The following CUX2 variants were observed in gnomAD, a reference collection of about 807,000 sequenced individuals.
CUX2 encodes the protein homeobox protein cut-like 2.
In CUX2, 40 loss-of-function variants were observed where a neutral mutation model predicts 144.8. The ratio of observed to expected loss-of-function variants is 0.28; its 90% CI spans 0.21 to 0.36. The LOEUF (loss-of-function observed/expected upper bound fraction) is 0.36. Ranked by LOEUF, CUX2 falls within the 10% of genes least tolerant of loss-of-function variation. CUX2 has a pLI of 1.00. For synonymous variants in CUX2, 827 were observed against 875.6 expected (o/e 0.94, Z 0.98); for missense variants, 1,615 against 1,994.0 (o/e 0.81, Z 3.62).
At chr12:111,038,158 A>T (rs1039042957) in intron 1 of CUX2, among the ~76,000 whole-genome samples, 1 of 152,216 alleles carries the variant, frequency 6.6e-6, no homozygotes, top group African/African-American at 2.4e-5. Flanking sequence ...AAGAGCAGGG[A>T]TGTGATTAAA....
intron 17 of CUX2, among the ~76,000 whole-genome samples, chr12:111,321,104 G>A (rs1157126801): frequency 1.3e-5 from 2 of 152,140 alleles, no homozygotes; most frequent in Non-Finnish European, 2.9e-5. Context: ...GACGGAGGTG[G>A]GAAGATCTCT....
rs767749808 is a variant in CUX2, at chr12:111,034,274, A to G, written c.63+34A>G. ...GGGCAGCGCCGGCCGCGCGGCCGTG[A>G]GGAGCCCCCGGGCGCGCCCTGGGCG... is the stretch of plus-strand genomic sequence containing the variant. On this transcript the variant is annotated intron_variant, in intron 1 of 21. Transcript: ENST00000261726. The surrounding 1 kb of genome is among the most constrained non-coding windows in gnomAD (Gnocchi z 4.2). 1.6e-6 allele frequency: 2 copies of G among 1,290,182 alleles called. No homozygotes were observed. The highest frequency in any genetic ancestry group is 2.0e-6 in the Non-Finnish European group (2 of 984,854). 79.9% of individuals were successfully genotyped at this position (1,290,182 alleles called of 1,614,324 possible).
intron 1 of CUX2, among the ~76,000 whole-genome samples, chr12:111,161,750 C>T (rs1377363556): frequency 2.0e-5 from 3 of 151,986 alleles, no homozygotes; most frequent in African/African-American, 7.2e-5. Context: ...TTTTTGTTTT[C>T]TTGAGACAGG....
intron 1 of CUX2, among the ~76,000 whole-genome samples, chr12:111,054,139 A>G (rs144671324): frequency 0.04 from 6,019 of 152,206 alleles, 411 homozygotes; most frequent in African/African-American, 0.14. Context: ...GGGTGACAGA[A>G]CAAGACTCCA....
Position 111,322,706 on chromosome 12 carries a change from C to T in CUX2, c.2926+126C>T. On this transcript the variant is annotated intron_variant, in intron 18 of 21. Transcript: ENST00000261726. The surrounding 1 kb of genome is among the most constrained non-coding windows in gnomAD (Gnocchi z 4.2). ...CTCCCTGCTGCCCTGGCTTTCATCC[C>T]AGTCACTGTCATGGCTGCACTGGAA... The T allele has an allele frequency of 1.6e-6, 2 of 1,228,440 alleles. No individual in the cohort carries two copies. Among genetic ancestry groups the T allele is most frequent in the Non-Finnish European group, 2.3e-6 (2 of 882,850 alleles). The allele number at this position is 1,228,440 out of a possible 1,614,324, so 76.1% of individuals were successfully genotyped here. A position where few individuals can be genotyped will look rare whatever the true frequency, so the allele number is the denominator to read the frequency against.
chr12:111,275,591 C>T (rs764366275), intron 4 of CUX2, among the ~76,000 whole-genome samples: 1 of 152,194 alleles, frequency 6.6e-6, no homozygotes, highest in Admixed American at 6.5e-5. Flanking sequence ...TCTCCTGACA[C>T]TAGGATACCA....
chr12:111,164,807 A>C (rs75113282), intron 1 of CUX2, among the ~76,000 whole-genome samples: 1,573 of 152,250 alleles, frequency 0.01, 23 homozygotes, highest in African/African-American at 0.036. Context: ...TAACAGTGTG[A>C]TGTTACAGTG....
intron 1 of CUX2, among the ~76,000 whole-genome samples, chr12:111,097,626 G>C (rs1872898618): frequency 6.6e-6 from 1 of 152,166 alleles, no homozygotes; most frequent in African/African-American, 2.4e-5. Flanking sequence ...CTGCTCTCAG[G>C]GGGGTCACTG....
Position 111,263,072 on chromosome 12 carries a change from A to G in CUX2, c.223-689A>G, listed in dbSNP as rs1246222401. 6.6e-6 allele frequency among the ~76,000 whole-genome samples: 1 copy of G among 152,246 alleles called. No individual in the cohort carries two copies. The highest frequency in any genetic ancestry group is 2.4e-5 in the African/African-American group (1 of 41,458). On this transcript the variant is annotated intron_variant, in intron 3 of 21. Transcript: ENST00000261726. This position sits in a 1 kb window ranked among gnomAD's most constrained non-coding sequence, Gnocchi z 4.0. ...GGCAGTGCAAGGTCACACAGCCTGCACACAGTGGAGCTGGGCTTTCAACCC... is the reference window on the plus strand; with the variant it reads ...GGCAGTGCAAGGTCACACAGCCTGCGCACAGTGGAGCTGGGCTTTCAACCC...
In CUX2 at chr12:111,310,026, G is replaced by C. The variant is rs1886804422; in HGVS notation, c.1259-15G>C. On this transcript the variant is annotated splice_polypyrimidine_tract_variant and intron_variant, in intron 14 of 21. Transcript: ENST00000261726. This position sits in a 1 kb window ranked among gnomAD's most constrained non-coding sequence, Gnocchi z 7.9. ...TCCCCGTCTGTCTGTCTGTCTGTCT[G>C]TCTGGGTGTTCTAGAGGAAGACCCA... 2 of 1,299,794 alleles carry C rather than the reference G, an allele frequency of 1.5e-6. No individual in the cohort carries two copies. The highest frequency in any genetic ancestry group is 2.0e-6 in the Non-Finnish European group (2 of 1,025,608). 80.5% of individuals were successfully genotyped at this position (1,299,794 alleles called of 1,614,324 possible).
intron 19 of CUX2, among the ~76,000 whole-genome samples, 165 bp downstream of exon 19, chr12:111,334,875 C>T (rs983267864): frequency 1.3e-5 from 2 of 152,170 alleles, no homozygotes; most frequent in African/African-American, 4.8e-5. Flanking sequence ...TTGAGGCCAA[C>T]CTGGGCAGCA....
intron 1 of CUX2, among the ~76,000 whole-genome samples, chr12:111,204,332 C>T (rs73415965): frequency 0.013 from 2,037 of 152,320 alleles, 52 homozygotes; most frequent in African/African-American, 0.046. Flanking sequence ...GTTGTAATTG[C>T]CTGTTGTGCT....
intron 16 of CUX2, among the ~76,000 whole-genome samples, chr12:111,318,361 A>T (rs1887309103): frequency 7.0e-6 from 1 of 143,778 alleles, no homozygotes; most frequent in East Asian, 2.2e-4. Flanking sequence ...AAGTGCTGGG[A>T]TTATAAGCAT....
intron 1 of CUX2, among the ~76,000 whole-genome samples, chr12:111,070,011 C>T (rs1018764035): frequency 2.0e-5 from 3 of 152,122 alleles, no homozygotes; most frequent in East Asian, 1.9e-4. Context: ...ATGGGAGGGT[C>T]GCTGCATGGG....
At chr12:111,222,596 T>C (rs1402761079) in intron 3 of CUX2, among the ~76,000 whole-genome samples, 5 of 152,184 alleles carry the variant, frequency 3.3e-5, no homozygotes, top group African/African-American at 1.2e-4. Context: ...ACACCTGTGG[T>C]CTGAGCCCCA....
chr12:111,133,997 G>A (rs191879429), intron 1 of CUX2, among the ~76,000 whole-genome samples: 1 of 152,106 alleles, frequency 6.6e-6, no homozygotes, highest in African/African-American at 2.4e-5. Context: ...ACCCTACAAG[G>A]CTAGGAGTTC....
intron 3 of CUX2, among the ~76,000 whole-genome samples, chr12:111,229,734 T>C (rs1882366350): frequency 6.6e-6 from 1 of 152,090 alleles, no homozygotes; most frequent in Non-Finnish European, 1.5e-5. Context: ...AAAAAAAGTT[T>C]TTTTGGCCAA....
intron 3 of CUX2, among the ~76,000 whole-genome samples, chr12:111,226,555 G>A (rs769670786): frequency 6.6e-6 from 1 of 151,956 alleles, no homozygotes; most frequent in African/African-American, 2.4e-5. Flanking sequence ...CAGTTGTTCC[G>A]GGTATTTCTC....
In CUX2 at chr12:111,320,487, C is replaced by A. The variant is rs776720004; in HGVS notation, c.2478C>A (p.Arg826=). 5.0e-6 allele frequency: 8 copies of A among 1,586,614 alleles called. No individual in the cohort carries two copies. The highest frequency in any genetic ancestry group is 3.3e-5 in the South Asian group (3 of 90,314). ...AGCCCAACGGCCGCGCCTGGCCCCG[C>A]GGGGACGAGGCCCCTGTGCCCCCCG... ...SGQPNGRAWP[R]GDEAPVPPED... Residue 826 remains arginine (R), a synonymous_variant, in exon 17 of 22, where the codon CGC becomes CGA. Coordinates refer to ENST00000261726, the MANE Select transcript of CUX2 (RefSeq NM_015267.4). This position sits in a 1 kb window ranked among gnomAD's most constrained non-coding sequence, Gnocchi z 8.1.
Sources: allele counts gnomAD v4.1 joint callset (sites outside exome capture counted in the v4.1 genomes callset), GRCh38; gene constraint gnomAD v4.1.1; non-coding constraint Gnocchi (gnomAD v3.1); transcripts MANE v1.5; gene names NCBI Gene and HGNC (gene_info 2026-07-23, HGNC 2026-07-21).